ZNF407: variants seen among roughly 807,000 people sequenced by gnomAD.
ZNF407 encodes the protein zinc finger protein 407.
ZNF407 carries 17 observed loss-of-function variants against 131.2 expected under a neutral mutation model. That is an observed-to-expected ratio of 0.13 (90% confidence interval 0.09 to 0.19). The LOEUF is 0.19. ZNF407 is among the 10% of genes least tolerant of loss of function. ZNF407 has a pLI of 1.00. For missense variants in ZNF407, 2,681 were observed against 2,830.6 expected (o/e 0.95, Z 1.20); for synonymous variants, 1,156 against 1,062.0 (o/e 1.09, Z -1.72).
intron 3 of ZNF407, among the ~76,000 whole-genome samples, chr18:74,726,567 C>T (rs1968163857): frequency 6.6e-6 from 1 of 152,194 alleles, no homozygotes; most frequent in African/African-American, 2.4e-5. Context: ...TCAATTTACA[C>T]ATGAAGGAAT....
intron 8 of ZNF407, among the ~76,000 whole-genome samples, chr18:74,928,681 G>A (rs968535312): frequency 1.1e-4 from 16 of 152,182 alleles, no homozygotes; most frequent in Non-Finnish European, 1.6e-4. Flanking sequence ...CAAAGAGTCT[G>A]TTTTGTCAAT....
intron 4 of ZNF407, among the ~76,000 whole-genome samples, chr18:74,845,409 T>A (rs1970688699): frequency 6.6e-6 from 1 of 152,224 alleles, no homozygotes; most frequent in Admixed American, 6.5e-5. Context: ...GAAACATGAT[T>A]TTCATCTAAA....
At chr18:74,968,866 A>G (rs1568286244) in intron 8 of ZNF407, among the ~76,000 whole-genome samples, 1 of 152,082 alleles carries the variant, frequency 6.6e-6, no homozygotes, top group Non-Finnish European at 1.5e-5. Context: ...TTTTTGGTGC[A>G]GCCCCTCCTC....
chr18:74,958,083 T>G (rs529964642), intron 8 of ZNF407, among the ~76,000 whole-genome samples: 2 of 152,294 alleles, frequency 1.3e-5, no homozygotes, highest in East Asian at 3.9e-4. Context: ...ACTTACACTG[T>G]GAAGTGGTCT....
chr18:74,659,763 C>T (rs927396572), intron 3 of ZNF407, among the ~76,000 whole-genome samples: 30 of 152,176 alleles, frequency 2.0e-4, no homozygotes, highest in African/African-American at 6.5e-4. Flanking sequence ...TTGAATTTGT[C>T]GTGAAAGTGT....
chr18:74,959,941 T>C (rs1315209653), intron 8 of ZNF407, among the ~76,000 whole-genome samples: 1 of 152,216 alleles, frequency 6.6e-6, no homozygotes, highest in Admixed American at 6.5e-5. Flanking sequence ...GTGGCTTCTT[T>C]ATGCAAACTT....
chr18:74,665,152 C>G (rs1342460750), intron 3 of ZNF407, among the ~76,000 whole-genome samples: 8 of 152,192 alleles, frequency 5.3e-5, no homozygotes, highest in Admixed American at 2.0e-4. Flanking sequence ...AGTTTTTCCT[C>G]TGTTAGTGTT....
Position 75,063,025 on chromosome 18 carries a change from T to G in ZNF407, c.5429-125T>G. ...TGAAGCTTGCACTGTAGAGAGCTCT[T>G]CAGGGTTTGGAATAGGGGGTCGTGG... On this transcript the variant is annotated intron_variant, in intron 8 of 8. Coordinates refer to ENST00000299687, the MANE Select transcript of ZNF407 (RefSeq NM_017757.3). The surrounding 1 kb of genome is among the most constrained non-coding windows in gnomAD (Gnocchi z 6.6). 1 of 884,596 alleles carries G rather than the reference T, an allele frequency of 1.1e-6. No homozygotes were observed. The highest frequency in any genetic ancestry group is 1.7e-6 in the Non-Finnish European group (1 of 577,394). 54.8% of individuals were successfully genotyped at this position (884,596 alleles called of 1,614,324 possible). A position where few individuals can be genotyped will look rare whatever the true frequency, so the allele number is the denominator to read the frequency against.
At chr18:74,897,396 G>A (rs1971466554) in intron 7 of ZNF407, among the ~76,000 whole-genome samples, 1 of 152,152 alleles carries the variant, frequency 6.6e-6, no homozygotes, top group Non-Finnish European at 1.5e-5. Flanking sequence ...GAGTCATTTT[G>A]AACACAAAGT....
At chr18:74,970,258 T>C (rs571277027) in intron 8 of ZNF407, among the ~76,000 whole-genome samples, 1 of 151,734 alleles carries the variant, frequency 6.6e-6, no homozygotes, top group Admixed American at 6.6e-5. Context: ...AACCATATCA[T>C]TCCTCCCCTG....
intron 3 of ZNF407, among the ~76,000 whole-genome samples, chr18:74,672,318 T>C (rs1232406081): frequency 6.6e-6 from 1 of 152,248 alleles, no homozygotes; most frequent in Non-Finnish European, 1.5e-5. Context: ...CTGAGCTTTT[T>C]TTTAACATGC....
At chr18:74,803,103 A>G (rs568368449) in intron 4 of ZNF407, among the ~76,000 whole-genome samples, 25 of 152,290 alleles carry the variant, frequency 1.6e-4, no homozygotes, top group African/African-American at 4.3e-4. Flanking sequence ...AGCTAAGTCC[A>G]GCGTTACCAC....
intron 3 of ZNF407, among the ~76,000 whole-genome samples, chr18:74,755,729 CT>C (rs1968927763): frequency 1.3e-3 from 2 of 1,562 alleles, no homozygotes; most frequent in South Asian, 0.071. Flanking sequence ...TCTTTCTTTC[CT>C]TTCTTTCTTT....
intron 8 of ZNF407, among the ~76,000 whole-genome samples, chr18:74,977,779 G>A (rs752177312): frequency 5.8e-4 from 88 of 152,206 alleles, no homozygotes; most frequent in Non-Finnish European, 1.6e-4. Flanking sequence ...AGTATGACTC[G>A]GAGTAAGTTA....
At chr18:75,004,213 A>T (rs1242940904) in intron 8 of ZNF407, among the ~76,000 whole-genome samples, 2 of 152,170 alleles carry the variant, frequency 1.3e-5, no homozygotes, top group Non-Finnish European at 2.9e-5. Context: ...AGTGGCAGTG[A>T]GAAAACACTT....
rs1973658438 is a variant in ZNF407, at chr18:75,063,170, G to A, written c.5449G>A (p.Glu1817Lys). 7 of 1,591,056 alleles carry A rather than the reference G, an allele frequency of 4.4e-6. No individual in the cohort carries two copies. The highest frequency in any genetic ancestry group is 6.0e-6 in the Non-Finnish European group (7 of 1,168,138). The stretch of plus-strand genomic sequence containing the variant: ...CTTAGGCATTGTTTCCAAGTCGTAC[G>A]AGTGCCGTCTAAAGGGACAAGGAGC... ...LHAGIVSKSY[E>K]CRLKGQGATF... Residue 1817 changes from glutamate to lysine, a missense_variant, in exon 9 of 9, where the codon GAG (glutamate) becomes AAG (lysine). Physicochemically the swap from Glu to Lys is moderately conservative, Grantham distance 56. This residue lies in a region of ZNF407 where 39 missense variants were observed against 91.8 expected (regional missense o/e 0.42). Coordinates refer to ENST00000299687, the MANE Select transcript of ZNF407 (RefSeq NM_017757.3). The surrounding 1 kb of genome is among the most constrained non-coding windows in gnomAD (Gnocchi z 6.6).
intron 1 of ZNF407, among the ~76,000 whole-genome samples, chr18:74,606,582 G>A (rs1982818577): frequency 6.6e-6 from 1 of 152,012 alleles, no homozygotes; most frequent in East Asian, 1.9e-4. Flanking sequence ...TTTCATACTT[G>A]TTTTATTTCT....
At chr18:74,967,659 C>A (rs1400251003) in intron 8 of ZNF407, among the ~76,000 whole-genome samples, 1 of 152,204 alleles carries the variant, frequency 6.6e-6, no homozygotes, top group Admixed American at 6.5e-5. Context: ...CAAACTAACT[C>A]TCACCTAATT....
chr18:74,603,283 A>G (rs1982661703), intron 1 of ZNF407, among the ~76,000 whole-genome samples: 3 of 152,206 alleles, frequency 2.0e-5, no homozygotes, highest in Admixed American at 2.0e-4. Flanking sequence ...CTCAGAGGAA[A>G]GGAAGTCCCC....
Sources: allele counts gnomAD v4.1 joint callset (sites outside exome capture counted in the v4.1 genomes callset), GRCh38; gene constraint gnomAD v4.1.1; regional missense constraint gnomAD v4.1.1; non-coding constraint Gnocchi (gnomAD v3.1); transcripts MANE v1.5; gene names NCBI Gene and HGNC (gene_info 2026-07-23, HGNC 2026-07-21).